The following ZC3H12B variants were observed in gnomAD, a reference collection of about 807,000 sequenced individuals.
ZC3H12B encodes zinc finger CCCH-type containing 12B, also known as probable ribonuclease ZC3H12B.
Under a neutral mutation model 43.9 loss-of-function variants are expected in ZC3H12B, and 7 were observed. The ratio of observed to expected loss-of-function variants is 0.16; its 90% CI spans 0.09 to 0.30. The LOEUF (loss-of-function observed/expected upper bound fraction) is 0.30, where lower values mean the gene tolerates loss of function less well. Among genes scored for constraint, ZC3H12B ranks in the 10% least tolerant of loss-of-function variants. The pLI is 1.00. For missense variants in ZC3H12B, 475 were observed against 670.2 expected, an observed-to-expected ratio of 0.71 and a Z score of 3.22; for synonymous variants, 222 against 241.7, an observed-to-expected ratio of 0.92 and a Z score of 0.76.
exon 1 of ZC3H12B, chrX:65,489,113 G>A (rs2068169268): frequency 1.7e-6 from 2 of 1,211,923 alleles, no homozygotes; most frequent in Non-Finnish European, 1.1e-6. Flanking sequence ...AACTTGACTT[G>A]GAGAAGGAAT....
intron 3 of ZC3H12B, among the ~76,000 whole-genome samples, chrX:65,438,547 A>T (rs1375820448): frequency 1.8e-5 from 2 of 112,572 alleles, no homozygotes; most frequent in Admixed American, 1.9e-4. Context: ...GTGGGAAATC[A>T]GGGGTCTCAT....
the ZC3H12B span, among the ~76,000 whole-genome samples, chrX:65,146,649 G>A: frequency 9.0e-6 from 1 of 111,561 alleles, no homozygotes; most frequent in South Asian, 3.8e-4. Context: ...GTCTCATGGG[G>A]TGTTCCTTTT....
At chrX:65,450,463 ATATG>A (rs1432624661) in intron 3 of ZC3H12B, among the ~76,000 whole-genome samples, 1 of 809 alleles carries the variant, frequency 1.2e-3, no homozygotes, top group Non-Finnish European at 8.0e-3. Context: ...ATATGTATAT[ATATG>A]TGTATATATG....
intron 3 of ZC3H12B, among the ~76,000 whole-genome samples, chrX:65,426,457 T>G (rs189680082): frequency 3.6e-3 from 384 of 107,083 alleles, no homozygotes; most frequent in Non-Finnish European, 5.9e-3. Flanking sequence ...AGGTTTTCAG[T>G]GTCACTATCT....
the ZC3H12B span, among the ~76,000 whole-genome samples, chrX:65,225,835 A>G: frequency 1.3e-4 from 14 of 111,806 alleles, no homozygotes; most frequent in Admixed American, 8.6e-4. Flanking sequence ...AAAAAGAACA[A>G]AAAGAAACGA....
intron 3 of ZC3H12B, chrX:65,408,019 A>G (rs1386895770): frequency 2.7e-6 from 3 of 1,094,861 alleles, no homozygotes; most frequent in Non-Finnish European, 3.6e-6. Flanking sequence ...CGGCGGGATT[A>G]AAGTTGGAAA....
chrX:65,278,247 A>G, the ZC3H12B span, among the ~76,000 whole-genome samples: 6 of 111,790 alleles, frequency 5.4e-5, no homozygotes, highest in Admixed American at 9.5e-5. Context: ...GTGGCTCATT[A>G]TATGCTAATT....
At chrX:65,261,984 A>G in the ZC3H12B span, among the ~76,000 whole-genome samples, 1 of 110,417 alleles carries the variant, frequency 9.1e-6, no homozygotes, top group African/African-American at 3.3e-5. Flanking sequence ...TCAGTCTTTG[A>G]AGAGTTCATG....
chrX:65,178,490 G>A, the ZC3H12B span, among the ~76,000 whole-genome samples: 2 of 112,070 alleles, frequency 1.8e-5, no homozygotes, highest in Non-Finnish European at 3.8e-5. Context: ...TGCAGAATGT[G>A]AAAATATAAT....
chrX:65,090,701 G>A, the ZC3H12B span, among the ~76,000 whole-genome samples: 2 of 111,116 alleles, frequency 1.8e-5, no homozygotes, highest in African/African-American at 6.5e-5. Context: ...CTTGAGATGG[G>A]GAGATTTTCC....
chrX:65,084,846 G>C, the ZC3H12B span, among the ~76,000 whole-genome samples: 6 of 112,593 alleles, frequency 5.3e-5, no homozygotes, highest in Non-Finnish European at 1.1e-4. Flanking sequence ...ACTAAGAGTT[G>C]GAAGCAACCT....
At chrX:65,164,261 C>A in the ZC3H12B span, among the ~76,000 whole-genome samples, 1 of 111,010 alleles carries the variant, frequency 9.0e-6, no homozygotes, top group Non-Finnish European at 1.9e-5. Flanking sequence ...TCAAAGATGT[C>A]TTTTTGCACT....
intron 2 of ZC3H12B, among the ~76,000 whole-genome samples, chrX:65,380,448 C>T (rs910046636): frequency 9.0e-6 from 1 of 111,265 alleles, no homozygotes; most frequent in African/African-American, 3.3e-5. Flanking sequence ...AAAAGAGCTC[C>T]TGAAGGAAGC....
At chrX:65,395,358 CTTA>C (rs1569393409) in intron 2 of ZC3H12B, among the ~76,000 whole-genome samples, 1 of 111,587 alleles carries the variant, frequency 9.0e-6, no homozygotes, top group Non-Finnish European at 1.9e-5. Context: ...ACAAATAGCT[CTTA>C]TTATTTTGAG....
At chrX:65,201,429 A>G in the ZC3H12B span, among the ~76,000 whole-genome samples, 1 of 110,271 alleles carries the variant, frequency 9.1e-6, no homozygotes, top group African/African-American at 3.3e-5. Flanking sequence ...TTTATTTGAT[A>G]CTTTTTTCTT....
At chrX:65,447,084 C>G (rs1441428895) in intron 3 of ZC3H12B, among the ~76,000 whole-genome samples, 1 of 111,708 alleles carries the variant, frequency 9.0e-6, no homozygotes, top group Non-Finnish European at 1.9e-5. Flanking sequence ...TGGGCTGTTT[C>G]AGCAATCATT....
intron 2 of ZC3H12B, among the ~76,000 whole-genome samples, chrX:65,394,539 G>T (rs1344522267): frequency 9.0e-6 from 1 of 111,599 alleles, no homozygotes. Context: ...TCTGAGGCCT[G>T]TGTCCGGTTC....
At chrX:65,120,562 G>C in the ZC3H12B span, among the ~76,000 whole-genome samples, 1 of 111,472 alleles carries the variant, frequency 9.0e-6, no homozygotes, top group Non-Finnish European at 1.9e-5. Flanking sequence ...AGACGATGGG[G>C]TTTTCTAGAT....
the ZC3H12B span, among the ~76,000 whole-genome samples, chrX:65,223,303 T>TA: frequency 4.9e-3 from 496 of 100,334 alleles, 3 homozygotes; most frequent in African/African-American, 0.012. Context: ...GACGCCGTCT[T>TA]AAAAAAAAAA....
Sources: allele counts gnomAD v4.1 joint callset (sites outside exome capture counted in the v4.1 genomes callset), GRCh38; gene constraint gnomAD v4.1.1; transcripts MANE v1.5; gene names NCBI Gene and HGNC (gene_info 2026-07-23, HGNC 2026-07-21).